The following NT5E variants were observed in gnomAD, a reference collection of about 807,000 sequenced individuals.
NT5E encodes 5'-nucleotidase.
Under a neutral mutation model 55.1 loss-of-function variants are expected in NT5E, and 53 were observed. That is an observed-to-expected ratio of 0.96 (90% CI 0.77 to 1.21). The LOEUF is 1.21. Ranked by LOEUF, NT5E falls within the 50% of genes most tolerant of loss-of-function variation. The pLI, the probability that NT5E is intolerant of heterozygous loss-of-function variation, is 0.00. For synonymous variants in NT5E, 270 were observed against 278.4 expected, an observed-to-expected ratio of 0.97 and a Z score of 0.30; for missense variants, 683 against 724.3, an observed-to-expected ratio of 0.94 and a Z score of 0.65.
At chr6:85,486,314 C>A (rs1307536928) in intron 4 of NT5E, among the ~76,000 whole-genome samples, 1 of 152,124 alleles carries the variant, frequency 6.6e-6, no homozygotes, top group Non-Finnish European at 1.5e-5. Context: ...TATTAATCAG[C>A]AGTAACAATT....
chr6:85,470,343 A>G (rs543254844), intron 2 of NT5E, among the ~76,000 whole-genome samples: 15 of 152,352 alleles, frequency 9.8e-5, no homozygotes, highest in Non-Finnish European at 2.1e-4. Flanking sequence ...ATGTGCAGTA[A>G]TAAGCACCCA....
At chr6:85,467,393 G>T in intron 2 of NT5E, 111 bp downstream of exon 2, 1 of 867,538 alleles carries the variant, frequency 1.2e-6, no homozygotes, top group African/African-American at 1.7e-5. Context: ...GGTAAATAGT[G>T]CACTAGAATA....
chr6:85,489,654 T>G, intron 6 of NT5E, 55 bp downstream of exon 6: 3 of 1,310,128 alleles, frequency 2.3e-6, no homozygotes, highest in Non-Finnish European at 3.3e-6. Flanking sequence ...TGATCTCCTT[T>G]TCTGTTATGG....
At chr6:85,477,632 A>G (rs1769462568) in intron 3 of NT5E, among the ~76,000 whole-genome samples, 1 of 152,230 alleles carries the variant, frequency 6.6e-6, no homozygotes. Context: ...GTTTACAATC[A>G]TTATTCATCT....
At chr6:85,488,901 G>A (rs1434923987) in intron 5 of NT5E, among the ~76,000 whole-genome samples, 4 of 118,600 alleles carry the variant, frequency 3.4e-5, no homozygotes, top group African/African-American at 1.0e-4. Flanking sequence ...TTTTTTTTTC[G>A]GCTTTTTGTC....
chr6:85,468,643 A>G (rs942260594), intron 2 of NT5E, among the ~76,000 whole-genome samples: 1 of 152,228 alleles, frequency 6.6e-6, no homozygotes, highest in Non-Finnish European at 1.5e-5. Flanking sequence ...AGATAGTTCC[A>G]TTTCCTGGAG....
intron 1 of NT5E, among the ~76,000 whole-genome samples, chr6:85,458,172 G>A (rs1769023567): frequency 6.6e-6 from 1 of 152,192 alleles, no homozygotes; most frequent in South Asian, 2.1e-4. Context: ...AGAAAAATTA[G>A]CAATACTAGT....
intron 1 of NT5E, among the ~76,000 whole-genome samples, chr6:85,452,670 C>T (rs1262499750): frequency 2.0e-5 from 3 of 152,110 alleles, no homozygotes; most frequent in East Asian, 1.9e-4. Context: ...CATGATTTGA[C>T]GTGCATAAAA....
chr6:85,477,224 C>T (rs1769456506), intron 3 of NT5E, among the ~76,000 whole-genome samples: 1 of 152,178 alleles, frequency 6.6e-6, no homozygotes, highest in Non-Finnish European at 1.5e-5. Context: ...GTGTCCATTA[C>T]ACCCTTGACT....
chr6:85,456,641 G>A (rs1768997173), intron 1 of NT5E, among the ~76,000 whole-genome samples: 3 of 152,176 alleles, frequency 2.0e-5, no homozygotes, highest in Admixed American at 1.3e-4. Context: ...GCAGAAAAGG[G>A]TGGGAGGGAG....
At chr6:85,485,953 G>A (rs1333147853) in intron 4 of NT5E, among the ~76,000 whole-genome samples, 4 of 152,216 alleles carry the variant, frequency 2.6e-5, no homozygotes, top group African/African-American at 9.6e-5. Flanking sequence ...CAGATTGGCA[G>A]GTTGAGAAAT....
chr6:85,467,815 TAA>T (rs1769224751), intron 2 of NT5E, among the ~76,000 whole-genome samples: 1 of 151,830 alleles, frequency 6.6e-6, no homozygotes, highest in Admixed American at 6.6e-5. Context: ...TGGATATATA[TAA>T]GTGTATGTAT....
intron 1 of NT5E, among the ~76,000 whole-genome samples, chr6:85,459,351 A>T (rs1295247148): frequency 6.6e-6 from 1 of 152,242 alleles, no homozygotes; most frequent in Admixed American, 6.5e-5. Flanking sequence ...CTAGCTAAAT[A>T]AATGTGCTGC....
At chr6:85,457,464 G>C (rs762030812) in intron 1 of NT5E, among the ~76,000 whole-genome samples, 88 of 152,078 alleles carry the variant, frequency 5.8e-4, no homozygotes, top group Non-Finnish European at 9.7e-4. Context: ...ACATCACTTG[G>C]TTTGTCTCTG....
chr6:85,455,112 G>C (rs760867753), intron 1 of NT5E, among the ~76,000 whole-genome samples: 3 of 152,214 alleles, frequency 2.0e-5, no homozygotes, highest in Non-Finnish European at 4.4e-5. Context: ...TGTGGTTTCT[G>C]CGTAGAAGAC....
chr6:85,465,572 G>A (rs1178632401), intron 1 of NT5E, among the ~76,000 whole-genome samples: 4 of 152,154 alleles, frequency 2.6e-5, no homozygotes, highest in Non-Finnish European at 4.4e-5. Flanking sequence ...CAGAGATGGG[G>A]GAAAAGGCAA....
At chr6:85,462,674 A>G (rs1361867297) in intron 1 of NT5E, among the ~76,000 whole-genome samples, 1 of 152,242 alleles carries the variant, frequency 6.6e-6, no homozygotes, top group African/African-American at 2.4e-5. Context: ...TGAATGATTA[A>G]TAAAACTACT....
At chr6:85,472,848 C>T (rs1309791290) in intron 3 of NT5E, among the ~76,000 whole-genome samples, 3 of 151,870 alleles carry the variant, frequency 2.0e-5, no homozygotes, top group African/African-American at 7.3e-5. Context: ...GGAATAATTT[C>T]AAACTGAGTT....
At chr6:85,471,841 G>A (rs1769314848) in intron 3 of NT5E, among the ~76,000 whole-genome samples, 1 of 152,100 alleles carries the variant, frequency 6.6e-6, no homozygotes, top group Admixed American at 6.5e-5. Flanking sequence ...AACTCAAGGT[G>A]GATTTGATTT....
Sources: allele counts gnomAD v4.1 joint callset (sites outside exome capture counted in the v4.1 genomes callset), GRCh38; gene constraint gnomAD v4.1.1; transcripts MANE v1.5; gene names NCBI Gene and HGNC (gene_info 2026-07-23, HGNC 2026-07-21).